PCCA: variants seen among roughly 807,000 people sequenced by gnomAD.
PCCA encodes propionyl-CoA carboxylase subunit alpha, also known as propionyl-CoA carboxylase alpha chain, mitochondrial.
In PCCA, 74 loss-of-function variants were observed where a neutral mutation model predicts 101.3. The ratio of observed to expected loss-of-function variants is 0.73; its 90% CI spans 0.61 to 0.89. The LOEUF (loss-of-function observed/expected upper bound fraction) is 0.89. PCCA is among the 40% of genes least tolerant of loss of function. The pLI, the probability that PCCA is intolerant of heterozygous loss-of-function variation, is 0.00. For synonymous variants in PCCA, 294 were observed against 313.6 expected (o/e 0.94, Z 0.66); for missense variants, 891 against 907.0 (o/e 0.98, Z 0.23).
rs80257919 is a variant in PCCA, at chr13:100,521,388, G to C, written c.2040+5821G>C. 5.4e-3 allele frequency among the ~76,000 whole-genome samples: 821 copies of C among 152,332 alleles called. 8 individuals carry two copies. The highest frequency in any genetic ancestry group is 8.6e-3 in the Non-Finnish European group (587 of 68,028). The stretch of plus-strand genomic sequence containing the variant: ...CGCCCTCCAGAGTGAGGCCGCTCGT[G>C]CATGGGCCATTAAAGGAGTCTTCAG... On this transcript the variant is annotated intron_variant, in intron 22 of 23. Coordinates refer to ENST00000376285, the MANE Select transcript of PCCA (RefSeq NM_000282.4).
chr13:100,172,526 G>C (rs1199813961), intron 6 of PCCA, among the ~76,000 whole-genome samples: 1 of 152,178 alleles, frequency 6.6e-6, no homozygotes, highest in South Asian at 2.1e-4. Flanking sequence ...CATACGTAAA[G>C]ACTATGTAGT....
intron 16 of PCCA, among the ~76,000 whole-genome samples, chr13:100,312,971 T>G (rs2067043420): frequency 6.6e-6 from 1 of 152,348 alleles, no homozygotes; most frequent in South Asian, 2.1e-4. Context: ...TCTCTTAGAC[T>G]TTTTAATTTT....
At chr13:100,138,009 G>C (rs1436486052) in intron 4 of PCCA, among the ~76,000 whole-genome samples, 1 of 151,794 alleles carries the variant, frequency 6.6e-6, no homozygotes, top group East Asian at 1.9e-4. Flanking sequence ...GGCTGGTCTT[G>C]AACTCCTGGA....
At chr13:100,112,163 C>G in intron 4 of PCCA, 102 bp downstream of exon 4, 1 of 780,366 alleles carries the variant, frequency 1.3e-6, no homozygotes, top group South Asian at 1.5e-5. Flanking sequence ...AAGATACATT[C>G]AAGTTTAAAA....
chr13:100,523,850 C>T (rs972591596), intron 22 of PCCA, among the ~76,000 whole-genome samples: 1 of 152,226 alleles, frequency 6.6e-6, no homozygotes, highest in Admixed American at 6.5e-5. Context: ...CATCCTGTCA[C>T]AATCATTAAG....
chr13:100,167,578 A>G (rs751120551), intron 6 of PCCA, among the ~76,000 whole-genome samples: 4 of 152,102 alleles, frequency 2.6e-5, no homozygotes, highest in African/African-American at 9.7e-5. Context: ...AAAAATAGAT[A>G]TATGTAATTT....
chr13:100,429,343 T>C (rs1460836397), intron 20 of PCCA, among the ~76,000 whole-genome samples: 2 of 151,938 alleles, frequency 1.3e-5, no homozygotes, highest in Non-Finnish European at 2.9e-5. Context: ...CTCTTTGCAA[T>C]TGTTTATTCT....
At chr13:100,474,430 T>A (rs951909598) in intron 21 of PCCA, among the ~76,000 whole-genome samples, 4 of 141,588 alleles carry the variant, frequency 2.8e-5, no homozygotes, top group African/African-American at 8.3e-5. Context: ...TAATTTTATG[T>A]ATTTACTGTT....
intron 19 of PCCA, among the ~76,000 whole-genome samples, chr13:100,396,105 A>C (rs2077034980): frequency 6.6e-6 from 1 of 152,214 alleles, no homozygotes; most frequent in South Asian, 2.1e-4. Context: ...CTCTGAAGAT[A>C]GAGAAACCTC....
intron 4 of PCCA, among the ~76,000 whole-genome samples, chr13:100,114,879 A>C (rs1274740001): frequency 6.6e-6 from 1 of 152,156 alleles, no homozygotes; most frequent in East Asian, 1.9e-4. Flanking sequence ...TTCTCAAAAA[A>C]CTAAAACTAT....
At chr13:100,318,339 G>A (rs563350420) in intron 16 of PCCA, among the ~76,000 whole-genome samples, 1 of 151,864 alleles carries the variant, frequency 6.6e-6, no homozygotes, top group South Asian at 2.1e-4. Context: ...CTCTGTCTCT[G>A]TCTCTCTCTC....
intron 4 of PCCA, among the ~76,000 whole-genome samples, chr13:100,138,534 A>T (rs1295427880): frequency 6.6e-6 from 1 of 152,120 alleles, no homozygotes. Context: ...TTCATTCCTT[A>T]TGTTCCAGAT....
chr13:100,482,329 G>T (rs1288286640), intron 21 of PCCA, among the ~76,000 whole-genome samples: 1 of 152,204 alleles, frequency 6.6e-6, no homozygotes, highest in Non-Finnish European at 1.5e-5. Flanking sequence ...AATGACTCAG[G>T]TTGACTTTCA....
chr13:100,309,711 C>G (rs1204447574), intron 15 of PCCA, 122 bp from the exon 16 acceptor site: 2 of 640,086 alleles, frequency 3.1e-6, no homozygotes, highest in Non-Finnish European at 5.3e-6. Flanking sequence ...ACTGAACTAT[C>G]ATAAAATTTC....
chr13:100,481,092 A>T (rs565007518), intron 21 of PCCA: 23 of 152,238 alleles, frequency 1.5e-4, no homozygotes, highest in African/African-American at 4.6e-4. Flanking sequence ...CTTTTTCACA[A>T]TTTCATGGAT....
At chr13:100,256,094 G>A (rs535121729) in intron 8 of PCCA, among the ~76,000 whole-genome samples, 12 of 152,010 alleles carry the variant, frequency 7.9e-5, no homozygotes, top group African/African-American at 2.4e-4. Flanking sequence ...TGCAATCTCC[G>A]CCTCCCAGGT....
intron 6 of PCCA, among the ~76,000 whole-genome samples, chr13:100,201,494 A>T (rs1017470151): frequency 6.6e-6 from 1 of 152,110 alleles, no homozygotes; most frequent in Non-Finnish European, 1.5e-5. Flanking sequence ...TACAGTATTT[A>T]AAAAAATTTT....
At chr13:100,524,366 A>G (rs577878577) in intron 22 of PCCA, among the ~76,000 whole-genome samples, 4 of 88,898 alleles carry the variant, frequency 4.5e-5, no homozygotes, top group East Asian at 9.6e-4. Context: ...TTGAAATTCA[A>G]TTAAGCTCGT....
At chr13:100,187,210 G>T (rs1454083865) in intron 6 of PCCA, among the ~76,000 whole-genome samples, 1 of 152,176 alleles carries the variant, frequency 6.6e-6, no homozygotes, top group Non-Finnish European at 1.5e-5. Context: ...ATTTATACCT[G>T]TTGATTATTA....
Sources: gnomAD v4.1 joint callset for allele counts (sites outside exome capture counted in the v4.1 genomes callset) on GRCh38, gnomAD v4.1.1 for gene constraint, MANE v1.5 for transcripts, NCBI Gene and HGNC (gene_info 2026-07-23, HGNC 2026-07-21) for gene names.